DYNC2I1: variants seen among roughly 807,000 people sequenced by gnomAD.
DYNC2I1 encodes dynein 2 intermediate chain 1.
Under a neutral mutation model 133.4 loss-of-function variants are expected in DYNC2I1, and 89 were observed. The ratio of observed to expected loss-of-function variants is 0.67; its 90% CI spans 0.56 to 0.80. DYNC2I1 has a LOEUF of 0.80. DYNC2I1 is among the 30% of genes least tolerant of loss of function. DYNC2I1 has a pLI of 0.00. For synonymous variants in DYNC2I1, 504 were observed against 484.3 expected, an observed-to-expected ratio of 1.04 and a Z score of -0.54; for missense variants, 1,291 against 1,314.5, an observed-to-expected ratio of 0.98 and a Z score of 0.28.
At chr7:158,915,078 G>A (rs62476469) in intron 14 of DYNC2I1, among the ~76,000 whole-genome samples, 36 of 128,730 alleles carry the variant, frequency 2.8e-4, no homozygotes, top group Non-Finnish European at 3.0e-4. Context: ...GGATGATTGT[G>A]AAACCTCGAC....
chr7:158,864,222 A>C (rs1331506658), intron 1 of DYNC2I1, among the ~76,000 whole-genome samples: 1 of 152,106 alleles, frequency 6.6e-6, no homozygotes, highest in Non-Finnish European at 1.5e-5. Context: ...AAAGGAGCTC[A>C]CATTCCTCAG....
chr7:158,924,142 A>G (rs1849379393), intron 17 of DYNC2I1, among the ~76,000 whole-genome samples: 1 of 152,232 alleles, frequency 6.6e-6, no homozygotes, highest in African/African-American at 2.4e-5. Flanking sequence ...TCGGGTGGAC[A>G]TTCATACTAT....
chr7:158,885,839 C>CT (rs948561807), intron 6 of DYNC2I1, among the ~76,000 whole-genome samples: 1 of 151,980 alleles, frequency 6.6e-6, no homozygotes, highest in African/African-American at 2.4e-5. Flanking sequence ...CACAATAAGA[C>CT]TTTTTTTGCT....
chr7:158,856,441 G>A (rs1471978583), upstream of DYNC2I1: 1 of 362,024 alleles, frequency 2.8e-6, no homozygotes, highest in African/African-American at 2.1e-5. Flanking sequence ...GTTGCTAGGA[G>A]CCGGGGAAGC....
chr7:158,942,226 T>G, intron 24 of DYNC2I1, 78 bp downstream of exon 24: 1 of 1,175,598 alleles, frequency 8.5e-7, no homozygotes, highest in Non-Finnish European at 1.2e-6. Flanking sequence ...TCTTTCTTCA[T>G]TAATTTTTGC....
intron 4 of DYNC2I1, 131 bp from the exon 5 acceptor site, chr7:158,879,553 A>T: frequency 2.1e-6 from 2 of 954,048 alleles, no homozygotes; most frequent in Non-Finnish European, 3.1e-6. Context: ...TTTACTACAG[A>T]CACGATTTTC....
At chr7:158,891,478 A>G (rs1845211126) in intron 8 of DYNC2I1, 145 bp downstream of exon 8, 2 of 898,424 alleles carry the variant, frequency 2.2e-6, no homozygotes, top group Non-Finnish European at 3.6e-6. Flanking sequence ...GACAGATGAG[A>G]TTTTCATATG....
intron 4 of DYNC2I1, among the ~76,000 whole-genome samples, chr7:158,878,061 G>C (rs1171539000): frequency 1.3e-5 from 2 of 150,646 alleles, no homozygotes; most frequent in East Asian, 4.0e-4. Context: ...TGAGTGCCAG[G>C]TGCCATGTGG....
chr7:158,860,284 C>G (rs1841758138), intron 1 of DYNC2I1, among the ~76,000 whole-genome samples: 1 of 152,124 alleles, frequency 6.6e-6, no homozygotes, highest in African/African-American at 2.4e-5. Context: ...GTCTGGAACT[C>G]CTGACCTCAG....
chr7:158,879,690 TACGGAGACAGCAAGG>T lies in DYNC2I1; in HGVS notation c.583_597del (p.Gly195_Asp199del), dbSNP rs1843801555. 1 of 1,579,358 alleles carries T rather than the reference TACGGAGACAGCAAGG, an allele frequency of 6.3e-7. No homozygotes were observed. The highest frequency in any genetic ancestry group is 2.0e-5 in the Admixed American group (1 of 49,616). On this transcript the variant is annotated inframe_deletion, in exon 5 of 25. Coordinates refer to ENST00000407559, the MANE Select transcript of DYNC2I1 (RefSeq NM_018051.5). ...AGCTTGTCGTGTTTTACAGCTGCAG[TACGGAGACAGCAAGG>T]ACAACCCTCTCAAGTACTGGCTTTA...
intron 6 of DYNC2I1, among the ~76,000 whole-genome samples, chr7:158,886,778 T>C (rs1271121228): frequency 6.6e-6 from 1 of 151,992 alleles, no homozygotes; most frequent in African/African-American, 2.4e-5. Flanking sequence ...TAATTTTTTA[T>C]TTTTGTAGAG....
At chr7:158,877,448 A>G (rs1013764606) in intron 4 of DYNC2I1, among the ~76,000 whole-genome samples, 2 of 152,230 alleles carry the variant, frequency 1.3e-5, no homozygotes, top group African/African-American at 4.8e-5. Context: ...TTTCCTTATG[A>G]TTAATTTCTG....
chr7:158,934,300 G>T, intron 22 of DYNC2I1, 72 bp downstream of exon 22: 1 of 1,531,980 alleles, frequency 6.5e-7, no homozygotes, highest in Non-Finnish European at 8.7e-7. Context: ...TAAATATCTT[G>T]ATTTAGGATT....
In DYNC2I1 at chr7:158,922,522, A is replaced by C; in HGVS notation, c.2067A>C (p.Pro689=). The part of the protein sequence containing the change: ...CVWDIWQPSG[P]QKVLICESQV... Reference sequence around the variant, plus strand: ...GGGATATTTGGCAGCCTTCAGGGCCACAGAAAGTTCTGATATGTGAGTCCC... The same window carrying C: ...GGGATATTTGGCAGCCTTCAGGGCCCCAGAAAGTTCTGATATGTGAGTCCC... The change falls in exon 16 of 25, where the codon CCA becomes CCC. Residue 689 remains proline (P), a synonymous_variant. Coordinates refer to ENST00000407559, the MANE Select transcript of DYNC2I1 (RefSeq NM_018051.5). 6.2e-7 allele frequency: 1 copy of C among 1,613,876 alleles called. No individual in the cohort carries two copies. The highest frequency in any genetic ancestry group is 8.5e-7 in the Non-Finnish European group (1 of 1,179,860).
In DYNC2I1 at chr7:158,902,395, A is replaced by G; in HGVS notation, c.1157A>G (p.Glu386Gly). The change falls in exon 10 of 25, where the codon GAG (glutamate) becomes GGG (glycine). Residue 386 changes from glutamate (E) to glycine (G), a missense_variant. Transcript: ENST00000407559. ...DDFEDYEDDF[E>G]VCDGDDDESS... ...TTGCAGGACTATGAAGATGACTTTG[A>G]GGTTTGTGATGGTGATGATGATGAA... 6.2e-7 allele frequency: 1 copy of G among 1,613,044 alleles called. No individual in the cohort carries two copies. Among genetic ancestry groups the G allele is most frequent in the Non-Finnish European group, 8.5e-7 (1 of 1,179,808 alleles).
chr7:158,863,667 T>G (rs893325385), intron 1 of DYNC2I1, among the ~76,000 whole-genome samples: 588 of 9,454 alleles, frequency 0.062, no homozygotes, highest in Non-Finnish European at 0.079. Context: ...TGGGGGGGGG[T>G]GTGGGGAGAG....
At chr7:158,855,677 A>T (rs1002373861), upstream of DYNC2I1, among the ~76,000 whole-genome samples, 1 of 152,218 alleles carries the variant, frequency 6.6e-6, no homozygotes, top group Non-Finnish European at 1.5e-5. Flanking sequence ...GTCAGAAGCA[A>T]GATGCTGTGG....
At chr7:158,925,890 C>T (rs540669029) in intron 17 of DYNC2I1, among the ~76,000 whole-genome samples, 47 of 152,250 alleles carry the variant, frequency 3.1e-4, no homozygotes, top group African/African-American at 1.1e-3. Context: ...AGTTTTCTTT[C>T]GGGCTGTGTG....
intron 5 of DYNC2I1, among the ~76,000 whole-genome samples, chr7:158,883,951 A>G (rs1036819799): frequency 2.6e-5 from 4 of 151,268 alleles, no homozygotes; most frequent in African/African-American, 7.3e-5. Context: ...AGCGTGAGCC[A>G]CCGCGCCCGG....
Sources: gnomAD v4.1 joint callset for allele counts (sites outside exome capture counted in the v4.1 genomes callset) on GRCh38, gnomAD v4.1.1 for gene constraint, MANE v1.5 for transcripts, NCBI Gene and HGNC (gene_info 2026-07-23, HGNC 2026-07-21) for gene names.